EDA: variants seen among roughly 807,000 people sequenced by gnomAD.
EDA encodes ectodysplasin-A.
In EDA, 2 loss-of-function variants were observed where a neutral mutation model predicts 23.6. The observed-to-expected ratio is 0.08, with a 90% CI of 0.03 to 0.27. The LOEUF is 0.27. Ranked by LOEUF, EDA falls within the 10% of genes least tolerant of loss-of-function variation. EDA has a pLI of 1.00. For synonymous variants in EDA, 131 were observed against 132.0 expected, an observed-to-expected ratio of 0.99 and a Z score of 0.05; for missense variants, 229 against 324.2, an observed-to-expected ratio of 0.71 and a Z score of 2.26.
chrX:69,929,738 G>A (rs976393088), intron 1 of EDA, among the ~76,000 whole-genome samples: 1 of 106,905 alleles, frequency 9.4e-6, no homozygotes, highest in Non-Finnish European at 1.9e-5. Flanking sequence ...GTGTGTGTGT[G>A]TGTGTGTGTG....
intron 1 of EDA, among the ~76,000 whole-genome samples, chrX:69,701,470 C>T (rs1321640351): frequency 8.9e-6 from 1 of 112,234 alleles, no homozygotes; most frequent in Non-Finnish European, 1.9e-5. Flanking sequence ...CTTGGGCCTG[C>T]AGGGCCCCTT....
At chrX:69,842,198 G>A (rs1274504096) in intron 1 of EDA, among the ~76,000 whole-genome samples, 1 of 110,955 alleles carries the variant, frequency 9.0e-6, no homozygotes, top group Non-Finnish European at 1.9e-5. Flanking sequence ...TCATAGGAGC[G>A]CAAACCCTAT....
chrX:69,686,752 A>G (rs781646258), intron 1 of EDA, among the ~76,000 whole-genome samples: 2 of 111,540 alleles, frequency 1.8e-5, no homozygotes, highest in East Asian at 5.7e-4. Flanking sequence ...ATCCATATGA[A>G]TCCTGTATTT....
chrX:70,033,026 C>A (rs1347082334), intron 6 of EDA, among the ~76,000 whole-genome samples: 1 of 112,957 alleles, frequency 8.9e-6, no homozygotes, highest in African/African-American at 3.2e-5. Flanking sequence ...ACCTAGCCTG[C>A]CACTCAGTGT....
At chrX:69,666,003 G>A (rs1302268807) in intron 1 of EDA, among the ~76,000 whole-genome samples, 2 of 111,273 alleles carry the variant, frequency 1.8e-5, no homozygotes, top group Non-Finnish European at 3.8e-5. Flanking sequence ...TCAGTGTTTT[G>A]CAGTTTTGGG....
chrX:69,960,632 T>C (rs1393537706), intron 2 of EDA, among the ~76,000 whole-genome samples: 2 of 109,803 alleles, frequency 1.8e-5, no homozygotes, highest in African/African-American at 6.6e-5. Context: ...ATGGGATAGG[T>C]AAATCATAGT....
At chrX:69,794,221 GA>G (rs764935497) in intron 1 of EDA, among the ~76,000 whole-genome samples, 281 of 103,076 alleles carry the variant, frequency 2.7e-3, no homozygotes, top group Non-Finnish European at 4.4e-3. Flanking sequence ...GTGGTTGAAA[GA>G]AAAAAAAAAA....
intron 1 of EDA, among the ~76,000 whole-genome samples, chrX:69,826,566 A>G (rs1345897719): frequency 1.8e-5 from 2 of 108,868 alleles, no homozygotes; most frequent in African/African-American, 6.7e-5. Context: ...ATCTTCCTCC[A>G]TCCTTTTATT....
At chrX:69,824,387 G>A (rs764343381) in intron 1 of EDA, among the ~76,000 whole-genome samples, 11 of 108,749 alleles carry the variant, frequency 1.0e-4, no homozygotes, top group Admixed American at 8.9e-4. Context: ...GCAGTGGTTT[G>A]TAGTTCTCCT....
chrX:69,796,298 C>A (rs776592967), intron 1 of EDA, among the ~76,000 whole-genome samples: 52 of 19,288 alleles, frequency 2.7e-3, no homozygotes, highest in African/African-American at 0.011. Context: ...ACACTGGAGC[C>A]AATGTATGCC....
intron 1 of EDA, among the ~76,000 whole-genome samples, chrX:69,889,196 G>A (rs965499674): frequency 1.9e-5 from 2 of 105,286 alleles, no homozygotes; most frequent in Non-Finnish European, 3.9e-5. Flanking sequence ...TTCCCAGACT[G>A]AAGTGCAGTG....
chrX:69,743,046 G>A (rs920738644), intron 1 of EDA: 2 of 110,576 alleles, frequency 1.8e-5, no homozygotes. Flanking sequence ...GCTCCCCACC[G>A]GTTAAGGCAA....
intron 1 of EDA, among the ~76,000 whole-genome samples, chrX:69,886,035 C>A (rs769628029): frequency 8.0e-5 from 9 of 112,164 alleles, no homozygotes; most frequent in African/African-American, 2.9e-4. Context: ...GGATTACCAA[C>A]CTCACTCCCA....
chrX:69,702,681 C>A (rs754085839), intron 1 of EDA, among the ~76,000 whole-genome samples: 1 of 110,181 alleles, frequency 9.1e-6, no homozygotes, highest in South Asian at 4.0e-4. Flanking sequence ...GCGATCAGGG[C>A]GGCGAGAATG....
chrX:69,912,791 C>G (rs2018287292), intron 1 of EDA, among the ~76,000 whole-genome samples: 1 of 83,805 alleles, frequency 1.2e-5, no homozygotes, highest in African/African-American at 4.7e-5. Flanking sequence ...TTTTTTGAGA[C>G]AGGGTCTCAC....
At chrX:69,746,746 C>T (rs1284462156) in intron 1 of EDA, among the ~76,000 whole-genome samples, 1 of 110,337 alleles carries the variant, frequency 9.1e-6, no homozygotes, top group Non-Finnish European at 1.9e-5. Flanking sequence ...CCCTCCGCAC[C>T]AAAATAAAAA....
At chrX:69,812,010 T>C (rs2015970201) in intron 1 of EDA, among the ~76,000 whole-genome samples, 1 of 111,892 alleles carries the variant, frequency 8.9e-6, no homozygotes, top group Admixed American at 9.5e-5. Flanking sequence ...AACAAAAATA[T>C]ACTCAGGCTC....
chrX:69,719,790 C>T (rs762180798), intron 1 of EDA, among the ~76,000 whole-genome samples: 9 of 108,278 alleles, frequency 8.3e-5, no homozygotes, highest in Admixed American at 2.0e-4. Flanking sequence ...CACTCTGTTG[C>T]GCAGCCTGGA....
chrX:69,681,437 T>G (rs1934347020), intron 1 of EDA, among the ~76,000 whole-genome samples: 1 of 111,491 alleles, frequency 9.0e-6, no homozygotes, highest in East Asian at 2.8e-4. Flanking sequence ...GGGTCCATTC[T>G]CCCCGTCACT....
Sources: gnomAD v4.1 joint callset for allele counts (sites outside exome capture counted in the v4.1 genomes callset) on GRCh38, gnomAD v4.1.1 for gene constraint, MANE v1.5 for transcripts, NCBI Gene and HGNC (gene_info 2026-07-23, HGNC 2026-07-21) for gene names.